TLCD3B: variants seen among roughly 807,000 people sequenced by gnomAD.
TLCD3B encodes ceramide synthase.
TLCD3B carries 9 observed loss-of-function variants against 23.0 expected under a neutral mutation model. The ratio of observed to expected loss-of-function variants is 0.39; its 90% CI spans 0.24 to 0.68. The LOEUF is 0.68. TLCD3B is among the 30% of genes least tolerant of loss of function. The probability of loss-of-function intolerance (pLI) is 0.44; values close to 1 mark genes in which losing one functional copy is unlikely to be tolerated. For missense variants in TLCD3B, 307 were observed against 371.8 expected (o/e 0.83, Z 1.43); for synonymous variants, 161 against 161.0 (o/e 1.00, Z 0.00).
intron 2 of TLCD3B, among the ~76,000 whole-genome samples, chr16:30,044,307 CT>C (rs2071623198): frequency 6.7e-6 from 1 of 150,368 alleles, no homozygotes; most frequent in African/African-American, 2.5e-5. Flanking sequence ...TAACCATGTA[CT>C]TTATTTTCTT....
chr16:30,044,866 G>A (rs1284423456), intron 2 of TLCD3B, among the ~76,000 whole-genome samples: 6 of 151,632 alleles, frequency 4.0e-5, no homozygotes, highest in African/African-American at 7.3e-5. Flanking sequence ...GGGGGGGTGC[G>A]GATTAACTAA....
At chr16:30,034,916 T>C (rs1277525244), upstream of TLCD3B, among the ~76,000 whole-genome samples, 4 of 41,426 alleles carry the variant, frequency 9.7e-5, no homozygotes, top group East Asian at 2.3e-3. Context: ...TTTCTTTTTC[T>C]TTTTTTTTTT....
chr16:30,050,089 G>C (rs891812973), intron 1 of TLCD3B, among the ~76,000 whole-genome samples: 3 of 152,202 alleles, frequency 2.0e-5, no homozygotes, highest in Non-Finnish European at 4.4e-5. Context: ...GCACCAGCGA[G>C]TCTGGGCACT....
At chr16:30,040,147 A>AAAAAAAAAAAAATATATATATATATATAT in intron 3 of TLCD3B, among the ~76,000 whole-genome samples, 1 of 95,908 alleles carries the variant, frequency 1.0e-5, no homozygotes, top group African/African-American at 4.3e-5. Context: ...AAAAAAAAAA[A>AAAAAAAAAAAAATATATATATATATATAT]ATATATATAT....
At chr16:30,042,792 T>C (rs931456554) in intron 2 of TLCD3B, among the ~76,000 whole-genome samples, 2 of 152,082 alleles carry the variant, frequency 1.3e-5, no homozygotes, top group African/African-American at 4.8e-5. Flanking sequence ...TTTTTCTCTA[T>C]TTGACCTAAT....
intron 2 of TLCD3B, chr16:30,027,757 T>C (rs1008785450): frequency 4.6e-6 from 2 of 435,048 alleles, no homozygotes; most frequent in African/African-American, 4.0e-5. Context: ...TTCTCTTAAA[T>C]CCTGTAGTCC....
intron 2 of TLCD3B, among the ~76,000 whole-genome samples, chr16:30,043,956 A>G (rs954193157): frequency 4.0e-5 from 6 of 151,536 alleles, no homozygotes; most frequent in Admixed American, 4.0e-4. Flanking sequence ...CGGCCTCACA[A>G]AGTGCTGGGA....
chr16:30,034,841 A>C (rs972330978), upstream of TLCD3B, among the ~76,000 whole-genome samples: 20 of 152,138 alleles, frequency 1.3e-4, 1 homozygote, highest in Admixed American at 4.6e-4. Flanking sequence ...CCCATTTACC[A>C]GTGAGGGATC....
chr16:30,036,521 G>T, intron 3 of TLCD3B: 1 of 848,536 alleles, frequency 1.2e-6, no homozygotes, highest in Non-Finnish European at 1.6e-6. Context: ...TAAAAGGAAG[G>T]TGTCAAACTG....
chr16:30,026,532 C>A, intron 3 of TLCD3B, 77 bp downstream of exon 3: 1 of 1,337,774 alleles, frequency 7.5e-7, no homozygotes, highest in South Asian at 1.3e-5. Flanking sequence ...CCCGGGGCTT[C>A]CCAGGCTCCT....
rs1162281544 is a variant in TLCD3B at position 30,045,092 on chromosome 16, C to CAAAAAAA, written c.-229+1224_-229+1230dup. Among the ~76,000 whole-genome samples the CAAAAAAA allele has an allele frequency of 4.9e-3, 108 of 22,088 alleles. 2 individuals carry two copies. The highest frequency in any genetic ancestry group is 5.4e-3 in the South Asian group (2 of 368). 14.5% of individuals were successfully genotyped at this position (22,088 alleles called of 152,430 possible). A position where few individuals can be genotyped will look rare whatever the true frequency, so the allele number is the denominator to read the frequency against. On this transcript the variant is annotated intron_variant, in intron 2 of 6. Transcript: ENST00000561666. The stretch of plus-strand genomic sequence containing the variant: ...TGGGCGACAAAGCAAGACTCCATCT[C>CAAAAAAA]AAAAAAAAAAAAAAAAAAAAAAAAA...
chr16:30,049,664 A>T (rs2071722059), intron 1 of TLCD3B, among the ~76,000 whole-genome samples: 1 of 152,282 alleles, frequency 6.6e-6, no homozygotes, highest in East Asian at 1.9e-4. Flanking sequence ...GCAGTAGCTC[A>T]CATCTGTAAC....
At chr16:30,030,010 G>T in intron 1 of TLCD3B, 1 of 1,322,318 alleles carries the variant, frequency 7.6e-7, no homozygotes, top group South Asian at 1.2e-5. Flanking sequence ...TGTTCTAGGG[G>T]TGTAGAGTTG....
At chr16:30,049,886 T>C (rs2071724775) in intron 1 of TLCD3B, among the ~76,000 whole-genome samples, 2 of 149,344 alleles carry the variant, frequency 1.3e-5, no homozygotes, top group South Asian at 4.2e-4. Flanking sequence ...ATCGCACCAC[T>C]GCACTCTAGC....
chr16:30,042,371 C>CTA (rs2071592407), intron 2 of TLCD3B, among the ~76,000 whole-genome samples: 1 of 151,844 alleles, frequency 6.6e-6, no homozygotes, highest in Non-Finnish European at 1.5e-5. Flanking sequence ...CCCAAGGCGC[C>CTA]CACCACCACA....
chr16:30,042,015 G>A (rs1044315388), intron 2 of TLCD3B, among the ~76,000 whole-genome samples: 15 of 152,016 alleles, frequency 9.9e-5, no homozygotes, highest in Non-Finnish European at 1.6e-4. Flanking sequence ...TTTCATTATT[G>A]TTCCCCTAAG....
At chr16:30,040,393 C>T (rs1268133148) in intron 3 of TLCD3B, among the ~76,000 whole-genome samples, 1 of 151,922 alleles carries the variant, frequency 6.6e-6, no homozygotes. Context: ...ATCTATGCCA[C>T]CTTACAAATA....
At chr16:30,047,763 A>T (rs1596781698) in intron 1 of TLCD3B, among the ~76,000 whole-genome samples, 1 of 145,066 alleles carries the variant, frequency 6.9e-6, no homozygotes, top group Non-Finnish European at 1.5e-5. Flanking sequence ...GTGGCCTATA[A>T]TTTTTTTTTT....
At chr16:30,035,568 A>C, upstream of TLCD3B, 17 of 1,206,034 alleles carry the variant, frequency 1.4e-5, no homozygotes, top group Non-Finnish European at 1.7e-5. Context: ...TTCACCCCCA[A>C]TGAGGCAAGC....
Sources: allele counts gnomAD v4.1 joint callset (sites outside exome capture counted in the v4.1 genomes callset), GRCh38; gene constraint gnomAD v4.1.1; transcripts MANE v1.5; gene names NCBI Gene and HGNC (gene_info 2026-07-23, HGNC 2026-07-21).